Variants in IRAK2 observed in about 807,000 individuals in gnomAD.
The protein encoded by IRAK2 is interleukin-1 receptor-associated kinase-like 2.
In IRAK2, 57 loss-of-function variants were observed where a neutral mutation model predicts 72.0. That is an observed-to-expected ratio of 0.79 (90% CI 0.64 to 0.99). The LOEUF (loss-of-function observed/expected upper bound fraction) is 0.99, where lower values mean the gene tolerates loss of function less well. IRAK2 is among the 50% of genes least tolerant of loss of function. The pLI is 0.00. For missense variants in IRAK2, 790 were observed against 794.4 expected (o/e 0.99, Z 0.07); for synonymous variants, 293 against 312.7 (o/e 0.94, Z 0.67).
intron 10 of IRAK2, among the ~76,000 whole-genome samples, chr3:10,228,178 G>C (rs1697809441): frequency 6.6e-6 from 1 of 152,244 alleles, no homozygotes; most frequent in Non-Finnish European, 1.5e-5. Context: ...ATCAGTTTGA[G>C]AGGGGGCACC....
At chr3:10,204,283 G>A (rs1040056934) in intron 3 of IRAK2, among the ~76,000 whole-genome samples, 1 of 152,128 alleles carries the variant, frequency 6.6e-6, no homozygotes, top group South Asian at 2.1e-4. Flanking sequence ...AGTAGTGCTG[G>A]AGCCAGCGCT....
At chr3:10,211,459 GT>G (rs113291358) in intron 4 of IRAK2, among the ~76,000 whole-genome samples, 149,218 of 152,006 alleles carry the variant, frequency 0.98, 73,217 homozygotes, top group Non-Finnish European at 1. Flanking sequence ...AAAAAAAAAA[GT>G]TTAAAAAATA....
At chr3:10,221,317 A>G (rs1425251456) in intron 8 of IRAK2, among the ~76,000 whole-genome samples, 7 of 143,124 alleles carry the variant, frequency 4.9e-5, no homozygotes, top group Non-Finnish European at 9.0e-5. Context: ...GCAGTGGCAC[A>G]ATCTCTGTTC....
intron 3 of IRAK2, among the ~76,000 whole-genome samples, chr3:10,202,689 C>CTTTTT (rs374939802): frequency 2.5e-4 from 25 of 98,056 alleles, no homozygotes; most frequent in African/African-American, 3.6e-4. Context: ...ACTTTCTTTC[C>CTTTTT]TTTTTTTTTT....
In IRAK2 at chr3:10,243,198, C is replaced by G. The variant is rs975543453; in HGVS notation, c.*970C>G. 6.6e-6 allele frequency: 1 copy of G among 152,198 alleles called. No individual in the cohort carries two copies. Among genetic ancestry groups the G allele is most frequent in the Non-Finnish European group, 1.5e-5 (1 of 68,056 alleles). The allele number at this position is 152,198 out of a possible 1,614,324, so 9.4% of individuals were successfully genotyped here. A position where few individuals can be genotyped will look rare whatever the true frequency, so the allele number is the denominator to read the frequency against. On this transcript the variant is annotated 3_prime_UTR_variant, in exon 13 of 13. Transcript: ENST00000256458. ...TGTAGGCACCTGCCACTATGCCTGG[C>G]TAATTTTTGTGTTTTTAGTAGAGAC...
chr3:10,178,427 AG>A (rs1295676505), intron 2 of IRAK2, among the ~76,000 whole-genome samples: 1 of 151,982 alleles, frequency 6.6e-6, no homozygotes, highest in Non-Finnish European at 1.5e-5. Flanking sequence ...ACTGCACTCC[AG>A]CCTGGGTGAC....
At chr3:10,178,231 G>A (rs1268794325) in intron 2 of IRAK2, among the ~76,000 whole-genome samples, 9 of 152,346 alleles carry the variant, frequency 5.9e-5, no homozygotes, top group African/African-American at 2.2e-4. Context: ...GCTGAGGTAG[G>A]TGAATCACCT....
intron 3 of IRAK2, among the ~76,000 whole-genome samples, chr3:10,207,503 T>C (rs887505143): frequency 6.6e-5 from 10 of 152,184 alleles, no homozygotes; most frequent in Non-Finnish European, 1.3e-4. Flanking sequence ...CCAGCCACCA[T>C]GGCTCACCTC....
At position 10,209,468 on chromosome 3, in the gene IRAK2, A is replaced by T. The variant is rs1697484957; in HGVS notation, c.425-121A>T. On this transcript the variant is annotated intron_variant, in intron 3 of 12. Coordinates refer to ENST00000256458, the MANE Select transcript of IRAK2 (RefSeq NM_001570.4). ...GGTTGGCACATGGTGGGTGTCAGGA[A>T]TTGGCAGCAACAAGTGTTTGGGGAG... 6 of 557,420 alleles carry T rather than the reference A, an allele frequency of 1.1e-5. No individual in the cohort carries two copies. In the South Asian group the frequency reaches 2.4e-4, roughly 22 times the overall value. The allele number at this position is 557,420 out of a possible 1,614,324, so 34.5% of individuals were successfully genotyped here.
intron 2 of IRAK2, among the ~76,000 whole-genome samples, chr3:10,185,870 C>T (rs1381228808): frequency 1.3e-5 from 2 of 151,336 alleles, no homozygotes; most frequent in South Asian, 2.1e-4. Flanking sequence ...GACTACACTC[C>T]GTCTCAAAAA....
At chr3:10,192,465 T>G (rs1278720452) in intron 2 of IRAK2, among the ~76,000 whole-genome samples, 2 of 152,240 alleles carry the variant, frequency 1.3e-5, no homozygotes, top group Non-Finnish European at 2.9e-5. Flanking sequence ...CTTTAGTCCT[T>G]TCTCCTGAAG....
intron 12 of IRAK2, among the ~76,000 whole-genome samples, chr3:10,239,722 G>A (rs894616489): frequency 3.9e-5 from 6 of 151,908 alleles, no homozygotes; most frequent in Admixed American, 1.3e-4. Context: ...ACAAGAGTCC[G>A]TCTCAAAAAA....
At chr3:10,215,906 T>G (rs1300628980) in intron 6 of IRAK2, among the ~76,000 whole-genome samples, 1 of 152,220 alleles carries the variant, frequency 6.6e-6, no homozygotes, top group African/African-American at 2.4e-5. Flanking sequence ...GTTAAGCCCT[T>G]TTCTAGGCTC....
chr3:10,173,577 T>C lies in IRAK2; in HGVS notation c.95-4261T>C, dbSNP rs566062950. On this transcript the variant is annotated intron_variant, in intron 1 of 12. Coordinates refer to ENST00000256458, the MANE Select transcript of IRAK2 (RefSeq NM_001570.4). ...TGGCTGATGCCTGTGATCCCAGCTC[T>C]TTGGGAGGCCAAGGAGGGTGGATCA... Among the ~76,000 whole-genome samples, 4 of 152,272 alleles carry C rather than the reference T, an allele frequency of 2.6e-5. No individual in the cohort carries two copies. In the South Asian group the frequency reaches 8.3e-4, roughly 32 times the overall value.
chr3:10,175,467 T>A (rs557465151), intron 1 of IRAK2, among the ~76,000 whole-genome samples: 1 of 152,022 alleles, frequency 6.6e-6, no homozygotes, highest in Non-Finnish European at 1.5e-5. Context: ...GGATGCAGAA[T>A]CTCAGGTGAG....
intron 2 of IRAK2, among the ~76,000 whole-genome samples, chr3:10,198,746 A>G (rs1339047196): frequency 2.0e-5 from 3 of 152,142 alleles, no homozygotes; most frequent in African/African-American, 7.2e-5. Context: ...TTAGAGAGGC[A>G]CAGTTGACCA....
chr3:10,191,152 G>T lies in IRAK2; in HGVS notation c.278-9217G>T, dbSNP rs1286827780. Reference sequence around the variant, plus strand: ...TACTAAAAATAAAAAAAAATTAGCTGGGCGTGGTGGCGGGTGCCTGTAGTC... The same window carrying T: ...TACTAAAAATAAAAAAAAATTAGCTTGGCGTGGTGGCGGGTGCCTGTAGTC... On this transcript the variant is annotated intron_variant, in intron 2 of 12. Coordinates refer to ENST00000256458, the MANE Select transcript of IRAK2 (RefSeq NM_001570.4). Among the ~76,000 whole-genome samples the T allele has an allele frequency of 3.9e-5, 6 of 152,066 alleles. No individual in the cohort carries two copies. In the East Asian group the frequency reaches 9.6e-4, roughly 24 times the overall value.
At chr3:10,193,450 A>G (rs1443072299) in intron 2 of IRAK2, among the ~76,000 whole-genome samples, 1 of 148,890 alleles carries the variant, frequency 6.7e-6, no homozygotes, top group African/African-American at 2.5e-5. Flanking sequence ...CCAAAAAAAA[A>G]CAAAAACAAA....
chr3:10,181,236 G>C (rs1391750172), intron 2 of IRAK2, among the ~76,000 whole-genome samples: 2 of 152,048 alleles, frequency 1.3e-5, no homozygotes, highest in Admixed American at 6.6e-5. Flanking sequence ...CGGTGCTCCT[G>C]AGCCGCTGCC....
Sources: gnomAD v4.1 joint callset for allele counts (sites outside exome capture counted in the v4.1 genomes callset) on GRCh38, gnomAD v4.1.1 for gene constraint, MANE v1.5 for transcripts, NCBI Gene and HGNC (gene_info 2026-07-23, HGNC 2026-07-21) for gene names.